The following FGD6 variants were observed in gnomAD, a reference collection of about 807,000 sequenced individuals.
The protein encoded by FGD6 is FYVE, RhoGEF and PH domain containing 6.
In FGD6, 90 loss-of-function variants were observed where a neutral mutation model predicts 149.4. The observed-to-expected ratio is 0.60, with a 90% confidence interval of 0.51 to 0.72. FGD6 has a LOEUF of 0.72. Among genes scored for constraint, FGD6 ranks in the 30% least tolerant of loss-of-function variants. The pLI is 0.00. For missense variants in FGD6, 1,437 were observed against 1,684.8 expected (o/e 0.85, Z 2.57); for synonymous variants, 527 against 584.0 (o/e 0.90, Z 1.41).
chr12:95,203,906 A>G (rs1186372299), intron 2 of FGD6, among the ~76,000 whole-genome samples: 17 of 152,190 alleles, frequency 1.1e-4, no homozygotes, highest in Admixed American at 1.1e-3. Flanking sequence ...ATAGCCCTTG[A>G]ATAAGGGTTA....
In FGD6 at chr12:95,097,705, C is replaced by G. The variant is rs368640143; in HGVS notation, c.3498-3011G>C. On this transcript the variant is annotated intron_variant, in intron 14 of 20. Transcript: ENST00000343958. The stretch of plus-strand genomic sequence containing the variant: ...TACATGGACTAACTGCAGGATGCTT[C>G]TCTGAGGTTCAAAGGCCACATCACT... Among the ~76,000 whole-genome samples the G allele has an allele frequency of 2.7e-4, 40 of 149,570 alleles. 2 individuals carry two copies. The South Asian group carries it at 8.2e-3, about 31-fold the overall frequency.
At chr12:95,107,733 G>A in intron 11 of FGD6, 102 bp from the exon 12 acceptor site, 1 of 1,182,396 alleles carries the variant, frequency 8.5e-7, no homozygotes, top group South Asian at 1.3e-5. Context: ...TTTCATGACA[G>A]ACTGGGGAGC....
chr12:95,167,622 T>TGGACTGCAA (rs113398956), intron 3 of FGD6, among the ~76,000 whole-genome samples: 17 of 151,184 alleles, frequency 1.1e-4, no homozygotes, highest in African/African-American at 3.9e-4. Flanking sequence ...TCACCCAGGT[T>TGGACTGCAA]GGACTGCAAT....
Position 95,208,944 on chromosome 12 carries a change from G to A in FGD6, c.2340C>T (p.Ser780=), listed in dbSNP as rs780699460. 2 of 1,614,044 alleles carry A rather than the reference G, an allele frequency of 1.2e-6. No individual in the cohort carries two copies. The highest frequency in any genetic ancestry group is 1.7e-6 in the Non-Finnish European group (2 of 1,180,022). Residue 780 remains serine, a synonymous_variant, in exon 2 of 21, where the codon TCC becomes TCT. Coordinates refer to ENST00000343958, the MANE Select transcript of FGD6 (RefSeq NM_018351.4). ...TTGCATCAGCGTCCTCCATGCTGCT[G>A]GAATTCTGCCATTCCAACTCTTGAG... The part of the protein sequence containing the change: ...RKTQELEWQN[S]SSMEDADANV...
At chr12:95,212,356 C>T (rs1413032921) in intron 1 of FGD6, among the ~76,000 whole-genome samples, 2 of 152,204 alleles carry the variant, frequency 1.3e-5, no homozygotes, top group Admixed American at 6.5e-5. Context: ...TGTAGCAATT[C>T]TTCCTAAACA....
At chr12:95,082,469 C>T (rs553344444) in intron 20 of FGD6, among the ~76,000 whole-genome samples, 7 of 151,260 alleles carry the variant, frequency 4.6e-5, no homozygotes, top group Admixed American at 6.6e-5. Flanking sequence ...ACCAGCCTGG[C>T]CAATATGGTG....
rs181590081 is a variant in FGD6, at chr12:95,125,747, G to A, written c.3082+8992C>T. On this transcript the variant is annotated intron_variant, in intron 8 of 20. Transcript: ENST00000343958. The stretch of plus-strand genomic sequence containing the variant: ...AATTAAAAATGAATTCCTTCTCACC[G>A]ACTGCCGCCAATATGGTGTTCAGGC... 38 of 636,750 alleles carry A rather than the reference G, an allele frequency of 6.0e-5. No homozygotes were observed. In the Admixed American group the frequency reaches 6.3e-4, roughly 11 times the overall value. 39.4% of individuals were successfully genotyped at this position (636,750 alleles called of 1,614,324 possible).
intron 16 of FGD6, 85 bp from the exon 17 acceptor site, chr12:95,091,894 C>G (rs1878066646): frequency 5.8e-6 from 6 of 1,027,028 alleles, no homozygotes; most frequent in Non-Finnish European, 2.9e-6. Context: ...ATTTACAGTG[C>G]TATCCACTTT....
intron 9 of FGD6, among the ~76,000 whole-genome samples, chr12:95,110,519 C>A (rs1314299106): frequency 6.6e-6 from 1 of 151,860 alleles, no homozygotes; most frequent in Non-Finnish European, 1.5e-5. Context: ...GTATGCCCAG[C>A]TAATTTTTGT....
intron 6 of FGD6, among the ~76,000 whole-genome samples, chr12:95,140,195 A>G (rs1879803239): frequency 6.6e-6 from 1 of 152,174 alleles, no homozygotes; most frequent in Non-Finnish European, 1.5e-5. Context: ...TTTCAACAGT[A>G]AATTCAATCC....
chr12:95,103,867 G>C (rs895227739), intron 14 of FGD6, among the ~76,000 whole-genome samples: 1 of 152,122 alleles, frequency 6.6e-6, no homozygotes, highest in Non-Finnish European at 1.5e-5. Flanking sequence ...AAAAGACTTC[G>C]ATTTGCATCC....
rs370845748 is a variant in FGD6, at chr12:95,122,902, T to C, written c.3083-9201A>G. Among the ~76,000 whole-genome samples, 483 of 152,118 alleles carry C rather than the reference T, an allele frequency of 3.2e-3. 7 individuals carry two copies. The highest frequency in any genetic ancestry group is 0.011 in the African/African-American group (462 of 41,504). On this transcript the variant is annotated intron_variant, in intron 8 of 20. Transcript: ENST00000343958. ...TTCGAGACCAGCCTGGCCAACATGG[T>C]GAAACCTCGTCCCTAATAAAAATAC... is the stretch of plus-strand genomic sequence containing the variant.
intron 3 of FGD6, among the ~76,000 whole-genome samples, chr12:95,155,265 A>G (rs1190317916): frequency 1.3e-5 from 2 of 152,148 alleles, no homozygotes; most frequent in African/African-American, 4.8e-5. Flanking sequence ...ACTGGCTCAC[A>G]CCTGTAATTC....
intron 14 of FGD6, among the ~76,000 whole-genome samples, chr12:95,098,236 A>G (rs948323146): frequency 2.6e-5 from 4 of 152,104 alleles, no homozygotes; most frequent in Non-Finnish European, 5.9e-5. Context: ...GCATGGCACC[A>G]TCTCCCAATT....
In FGD6 at chr12:95,141,545, A is replaced by G; in HGVS notation, c.2686-6T>C. ...GCTACTGCATCCCGGAAATCCTATT[A>G]CAGTCCAGAGCAGGAAAAACAATAC... On this transcript the variant is annotated splice_region_variant and splice_polypyrimidine_tract_variant and intron_variant, in intron 5 of 20. Transcript: ENST00000343958. 6.2e-7 allele frequency: 1 copy of G among 1,614,048 alleles called. No homozygotes were observed. The highest frequency in any genetic ancestry group is 1.1e-5 in the South Asian group (1 of 91,080).
chr12:95,124,947 T>C (rs905812034), intron 8 of FGD6, among the ~76,000 whole-genome samples: 3 of 152,198 alleles, frequency 2.0e-5, no homozygotes, highest in Non-Finnish European at 2.9e-5. Flanking sequence ...TCTTATTTAA[T>C]GCAGTACTAA....
In FGD6 at chr12:95,174,529, C is replaced by A. The variant is rs546328476; in HGVS notation, c.2442-1785G>T. On this transcript the variant is annotated intron_variant, in intron 2 of 20. Coordinates refer to ENST00000343958, the MANE Select transcript of FGD6 (RefSeq NM_018351.4). ...AATCCCAGTCTATGTGTGAGAAGCT[C>A]TGCTCTAAAAGGCTTTTTGATCCAG... Among the ~76,000 whole-genome samples, 7 of 152,312 alleles carry A rather than the reference C, an allele frequency of 4.6e-5. No individual in the cohort carries two copies. The South Asian group carries it at 1.5e-3, about 32-fold the overall frequency.
At chr12:95,096,157 T>C (rs1017880656) in intron 14 of FGD6, among the ~76,000 whole-genome samples, 1 of 152,230 alleles carries the variant, frequency 6.6e-6, no homozygotes, top group Non-Finnish European at 1.5e-5. Context: ...CTGGTATTAT[T>C]TGCCCTAACT....
chr12:95,177,597 T>C (rs1212751773), intron 2 of FGD6, among the ~76,000 whole-genome samples: 1 of 152,224 alleles, frequency 6.6e-6, no homozygotes, highest in Admixed American at 6.5e-5. Flanking sequence ...CAGGATGTTG[T>C]GATAATTTTT....
Sources: allele counts gnomAD v4.1 joint callset (sites outside exome capture counted in the v4.1 genomes callset), GRCh38; gene constraint gnomAD v4.1.1; transcripts MANE v1.5; gene names NCBI Gene and HGNC (gene_info 2026-07-23, HGNC 2026-07-21).